Variants in ST18 observed in about 807,000 individuals in gnomAD.
ST18 encodes the protein ST18 C2H2C-type zinc finger transcription factor.
ST18 carries 50 observed loss-of-function variants against 110.0 expected under a neutral mutation model. The observed-to-expected ratio is 0.45, with a 90% confidence interval of 0.36 to 0.58. The LOEUF is 0.58. Among genes scored for constraint, ST18 ranks in the 20% least tolerant of loss-of-function variants. ST18 has a pLI of 0.00. For missense variants in ST18, 1,306 were observed against 1,280.1 expected (o/e 1.02, Z -0.31); for synonymous variants, 461 against 452.4 (o/e 1.02, Z -0.24).
chr8:52,245,963 A>C (rs1168021863), intron 2 of ST18, among the ~76,000 whole-genome samples: 1 of 152,150 alleles, frequency 6.6e-6, no homozygotes, highest in Non-Finnish European at 1.5e-5. Flanking sequence ...AAATTCTTTC[A>C]AGTTACAACT....
chr8:52,214,097 G>A (rs112663984), intron 7 of ST18, 106 bp downstream of exon 7: 16 of 1,218,892 alleles, frequency 1.3e-5, no homozygotes, highest in African/African-American at 4.5e-5. Flanking sequence ...AAGAAGCCCT[G>A]AGGAAGTTGT....
chr8:52,342,600 A>C (rs556602092), intron 2 of ST18, among the ~76,000 whole-genome samples: 91 of 152,298 alleles, frequency 6.0e-4, no homozygotes, highest in Non-Finnish European at 7.5e-4. Flanking sequence ...CACATATCAA[A>C]TTTCAGCGTG....
intron 2 of ST18, chr8:52,404,755 C>T (rs889785907): frequency 6.6e-6 from 1 of 152,166 alleles, no homozygotes; most frequent in Non-Finnish European, 1.5e-5. Flanking sequence ...TTAACCAACG[C>T]TTTAGAAAAA....
intron 2 of ST18, among the ~76,000 whole-genome samples, chr8:52,337,473 G>A (rs1427254023): frequency 6.6e-6 from 1 of 152,172 alleles, no homozygotes; most frequent in Non-Finnish European, 1.5e-5. Flanking sequence ...CACTCTGAAT[G>A]GGGTTTAAAA....
At chr8:52,264,546 G>C (rs2094806881) in intron 2 of ST18, among the ~76,000 whole-genome samples, 1 of 152,182 alleles carries the variant, frequency 6.6e-6, no homozygotes, top group Non-Finnish European at 1.5e-5. Flanking sequence ...AAAGTTCCTG[G>C]TTTTAATCAT....
At chr8:52,192,984 C>G (rs2075064472) in intron 8 of ST18, among the ~76,000 whole-genome samples, 1 of 152,098 alleles carries the variant, frequency 6.6e-6, no homozygotes, top group African/African-American at 2.4e-5. Flanking sequence ...CATATTGGGA[C>G]AGGATATATA....
At chr8:52,278,721 G>A (rs896122509) in intron 2 of ST18, among the ~76,000 whole-genome samples, 19 of 152,144 alleles carry the variant, frequency 1.2e-4, no homozygotes, top group Admixed American at 5.9e-4. Context: ...CTGGCTCTGA[G>A]AAAAGGTGGA....
chr8:52,296,135 T>C (rs1255280060), intron 2 of ST18, among the ~76,000 whole-genome samples: 5 of 152,040 alleles, frequency 3.3e-5, no homozygotes, highest in Admixed American at 1.3e-4. Context: ...AAAAAAGAAA[T>C]AGTGCAATGC....
rs1029183522 is a variant in ST18, at chr8:52,137,462, A to G, written c.2190T>C (p.Asp730=). 1 of 1,614,138 alleles carries G rather than the reference A, an allele frequency of 6.2e-7. No homozygotes were observed. Among genetic ancestry groups the G allele is most frequent in the African/African-American group, 1.3e-5 (1 of 75,044 alleles). ...AGTTTCCTGTCACGTGGCCACTTCC[A>G]TCACATCCTGGTGTTGGACAGCTGA... ...ELITCPTPGC[D]GSGHVTGNYA... is the part of the protein sequence containing the mutation. Residue 730 remains aspartate, a synonymous_variant, in exon 18 of 26, where the codon GAT becomes GAC. Transcript: ENST00000689386.
At position 52,171,891 on chromosome 8, in the gene ST18, A is replaced by G. The variant is rs746140698; in HGVS notation, c.970T>C (p.Tyr324His). The G allele has an allele frequency of 8.7e-6, 14 of 1,614,182 alleles. No homozygotes were observed. Among genetic ancestry groups the G allele is most frequent in the Non-Finnish European group, 1.2e-5 (14 of 1,180,024 alleles). Residue 324 changes from tyrosine to histidine, a missense_variant, in exon 10 of 26, where the codon TAC (tyrosine) becomes CAC (histidine). Transcript: ENST00000689386. ...AERGCVFHNT[Y>H]KELDRFLLEH... ...AGCAGGAACCTATCCAGCTCTTTGTAGGTGTTATGGAAAACACAACCTCGC... is the reference window on the plus strand; with the variant it reads ...AGCAGGAACCTATCCAGCTCTTTGTGGGTGTTATGGAAAACACAACCTCGC...
chr8:52,299,654 G>A (rs2095686656), intron 2 of ST18, among the ~76,000 whole-genome samples: 1 of 152,192 alleles, frequency 6.6e-6, no homozygotes, highest in African/African-American at 2.4e-5. Flanking sequence ...AAGTGGCATT[G>A]TTTTGGAGCC....
Position 52,116,361 on chromosome 8 carries a change from G to T in ST18, c.2917C>A (p.Gln973Lys). 1 of 1,613,918 alleles carries T rather than the reference G, an allele frequency of 6.2e-7. No homozygotes were observed. Among genetic ancestry groups the T allele is most frequent in the Non-Finnish European group, 8.5e-7 (1 of 1,179,910 alleles). ...TCTTTCAGCAGACTTTCATTGTTCT[G>T]TTCTATGAGTTTGTTCTCCTCCTCT... ...TIEEENKLIE[Q>K]NNESLLKELA... The change falls in exon 25 of 26, where the codon CAG becomes AAG. Residue 973 changes from glutamine (Q) to lysine (K), a missense_variant. Transcript: ENST00000689386.
chr8:52,359,120 GA>G (rs34819262), intron 2 of ST18, among the ~76,000 whole-genome samples: 24,836 of 149,560 alleles, frequency 0.17, 3,442 homozygotes, highest in African/African-American at 0.38. Context: ...ATAGAATGGA[GA>G]AAAAAAAACA....
Position 52,111,870 on chromosome 8 carries a change from C to T in ST18, c.*1328G>A, listed in dbSNP as rs189444654. 1.3e-5 allele frequency: 2 copies of T among 152,584 alleles called. No homozygotes were observed. The highest frequency in any genetic ancestry group is 3.9e-4 in the East Asian group (2 of 5,182). The allele number at this position is 152,584 out of a possible 1,614,324, so 9.5% of individuals were successfully genotyped here. On this transcript the variant is annotated 3_prime_UTR_variant, in exon 26 of 26. Coordinates refer to ENST00000689386, the MANE Select transcript of ST18 (RefSeq NM_001352837.2). ...TTTACAATCCCTGAAATAGACATTG[C>T]CTTTACTATAGAAACTATGAAACTC...
intron 2 of ST18, among the ~76,000 whole-genome samples, chr8:52,266,737 T>C (rs572564846): frequency 2.6e-5 from 4 of 151,994 alleles, no homozygotes; most frequent in Admixed American, 2.6e-4. Flanking sequence ...AGAGATGGGG[T>C]TTCACCATGT....
At chr8:52,389,078 C>T (rs1189834050) in intron 2 of ST18, among the ~76,000 whole-genome samples, 2 of 152,176 alleles carry the variant, frequency 1.3e-5, no homozygotes, top group East Asian at 3.9e-4. Flanking sequence ...GCATGAAGCC[C>T]CGAGAGCCAC....
chr8:52,204,369 C>G (rs944297241), intron 8 of ST18, among the ~76,000 whole-genome samples: 3 of 152,208 alleles, frequency 2.0e-5, no homozygotes, highest in Admixed American at 2.0e-4. Context: ...ATGTGTGCCT[C>G]TCAAACTTCC....
intron 8 of ST18, among the ~76,000 whole-genome samples, chr8:52,186,941 G>A (rs1197194014): frequency 6.6e-6 from 1 of 152,150 alleles, no homozygotes; most frequent in Non-Finnish European, 1.5e-5. Flanking sequence ...CCTTGTTCTG[G>A]TGGTGGTTTC....
chr8:52,209,704 A>T (rs2081400055), intron 8 of ST18, among the ~76,000 whole-genome samples: 1 of 142,592 alleles, frequency 7.0e-6, no homozygotes, highest in South Asian at 2.3e-4. Flanking sequence ...CAGGAGGCGG[A>T]GGTTGCAGTG....
Sources: gnomAD v4.1 joint callset for allele counts (sites outside exome capture counted in the v4.1 genomes callset) on GRCh38, gnomAD v4.1.1 for gene constraint, MANE v1.5 for transcripts, NCBI Gene and HGNC (gene_info 2026-07-23, HGNC 2026-07-21) for gene names.